The following SMOX variants were observed in gnomAD, a reference collection of about 807,000 sequenced individuals.
SMOX encodes the protein flavin containing amine oxidase.
A neutral mutation model predicts 51.0 loss-of-function variants in SMOX; 22 were observed. The ratio of observed to expected loss-of-function variants is 0.43; its 90% CI spans 0.31 to 0.62. The LOEUF is 0.62. SMOX is among the 20% of genes least tolerant of loss of function. The pLI, the probability that SMOX is intolerant of heterozygous loss-of-function variation, is 0.10. For synonymous variants in SMOX, 282 were observed against 307.8 expected (o/e 0.92, Z 0.88); for missense variants, 566 against 777.7 (o/e 0.73, Z 3.24).
At chr20:4,157,133 A>T (rs935800872) in intron 1 of SMOX, among the ~76,000 whole-genome samples, 3 of 152,170 alleles carry the variant, frequency 2.0e-5, no homozygotes, top group African/African-American at 7.2e-5. Flanking sequence ...CTCAGAGGTT[A>T]ACACAGCAGG....
At chr20:4,180,542 GC>G (rs1979244123) in intron 3 of SMOX, among the ~76,000 whole-genome samples, 1 of 152,274 alleles carries the variant, frequency 6.6e-6, no homozygotes, top group South Asian at 2.1e-4. Context: ...TGATCCTGCC[GC>G]CTTCTTGCTC....
Position 4,152,585 on chromosome 20 carries a change from A to T in SMOX, c.-27+3608A>T, listed in dbSNP as rs117915845. Reference sequence around the variant, plus strand: ...CTAGGGGCAGTGGTCCAGATCTGGGATGGGGCTGGCATGCCTAGGAAAGAC... The same window carrying T: ...CTAGGGGCAGTGGTCCAGATCTGGGTTGGGGCTGGCATGCCTAGGAAAGAC... On this transcript the variant is annotated intron_variant, in intron 1 of 6. Transcript: ENST00000305958. Among the ~76,000 whole-genome samples the T allele has an allele frequency of 2.1e-3, 318 of 152,054 alleles. 8 individuals are homozygous for T. In the East Asian group the frequency reaches 0.053, roughly 26 times the overall value.
chr20:4,161,038 C>T (rs550238658), intron 1 of SMOX, among the ~76,000 whole-genome samples: 1 of 152,356 alleles, frequency 6.6e-6, no homozygotes, highest in Non-Finnish European at 1.5e-5. Flanking sequence ...GGCCTCAGTT[C>T]TTGTAAGTGG....
chr20:4,156,394 G>A (rs562114745), intron 1 of SMOX, among the ~76,000 whole-genome samples: 2 of 152,266 alleles, frequency 1.3e-5, no homozygotes, highest in African/African-American at 4.8e-5. Flanking sequence ...TAGAAGAAGA[G>A]GGCACTGCAG....
chr20:4,163,405 C>T (rs982443417), intron 1 of SMOX, among the ~76,000 whole-genome samples: 4 of 152,052 alleles, frequency 2.6e-5, no homozygotes, highest in Admixed American at 2.0e-4. Flanking sequence ...TTCAGAACAG[C>T]GGGGTCTGAG....
At position 4,160,994 on chromosome 20, in the gene SMOX, C is replaced by T. The variant is rs370488441; in HGVS notation, c.-27+12017C>T. On this transcript the variant is annotated intron_variant, in intron 1 of 6. Transcript: ENST00000305958. ...GGCTTTGTGCAGAGTCACGAGGGGC[C>T]GCTGAGGGGGAACTGCGCCCGGCTG... 5.1e-4 allele frequency among the ~76,000 whole-genome samples: 77 copies of T among 152,208 alleles called. 1 individual carries two copies. Among genetic ancestry groups the T allele is most frequent in the Admixed American group, 1.3e-3 (20 of 15,284 alleles).
At position 4,181,216 on chromosome 20, in the gene SMOX, C is replaced by T. The variant is rs895364992; in HGVS notation, c.436-587C>T. On this transcript the variant is annotated intron_variant, in intron 3 of 6. Coordinates refer to ENST00000305958, the MANE Select transcript of SMOX (RefSeq NM_175839.3). The surrounding 1 kb of genome is among the most constrained non-coding windows in gnomAD (Gnocchi z 5.6). Reference sequence around the variant, plus strand: ...CCTGGCTTTTGTGTTCCTGTCTTCCCCACTGCGTCTCAGCTTCCTTACTCG... The same window carrying T: ...CCTGGCTTTTGTGTTCCTGTCTTCCTCACTGCGTCTCAGCTTCCTTACTCG... Among the ~76,000 whole-genome samples the T allele has an allele frequency of 6.6e-6, 1 of 152,150 alleles. No individual in the cohort carries two copies. The highest frequency in any genetic ancestry group is 1.5e-5 in the Non-Finnish European group (1 of 68,022).
chr20:4,182,510 T>G lies in SMOX; in HGVS notation c.1031T>G (p.Phe344Cys). Reference sequence around the variant, plus strand: ...GTGCTAAAGAGGCAGTACACCAGTTTCTTCCGGCCAGGCCTGCCCACAGAG... The same window carrying G: ...GTGCTAAAGAGGCAGTACACCAGTTGCTTCCGGCCAGGCCTGCCCACAGAG... ...LGVLKRQYTS[F>C]FRPGLPTEKV... The change falls in exon 5 of 7, where the codon TTC (phenylalanine) becomes TGC (cysteine). Residue 344 changes from phenylalanine to cysteine, a missense_variant. Transcript: ENST00000305958. The surrounding 1 kb of genome is among the most constrained non-coding windows in gnomAD (Gnocchi z 8.4). The G allele has an allele frequency of 6.2e-7, 1 of 1,609,330 alleles. No individual in the cohort carries two copies. Among genetic ancestry groups the G allele is most frequent in the Admixed American group, 1.7e-5 (1 of 59,704 alleles).
At chr20:4,158,114 A>C (rs926366412) in intron 1 of SMOX, among the ~76,000 whole-genome samples, 1 of 150,036 alleles carries the variant, frequency 6.7e-6, no homozygotes, top group South Asian at 2.1e-4. Flanking sequence ...GTTAGCCAGG[A>C]TGGTCTCGAT....
intron 1 of SMOX, among the ~76,000 whole-genome samples, chr20:4,150,838 TTTTTTTC>T (rs1281924229): frequency 0.049 from 6,900 of 141,368 alleles, 457 homozygotes; most frequent in African/African-American, 0.15. Flanking sequence ...TTTTTTTTTT[TTTTTTTC>T]TTTGAGACGG....
chr20:4,183,553 T>C lies in SMOX; in HGVS notation c.1429T>C (p.Tyr477His). 2 of 1,614,030 alleles carry C rather than the reference T, an allele frequency of 1.2e-6. No individual in the cohort carries two copies. The highest frequency in any genetic ancestry group is 1.7e-6 in the Non-Finnish European group (2 of 1,179,938). ...GCGCTCGGCCTGGGGCAGCAACCCT[T>C]ACTTCCGCGGCTCCTATTCATACAC... ...ILRSAWGSNP[Y>H]FRGSYSYTQV... The change falls in exon 6 of 7, where the codon TAC becomes CAC. Residue 477 changes from tyrosine to histidine, a missense_variant. This residue lies in a region of SMOX where 347 missense variants were observed against 481.8 expected (regional missense o/e 0.72). Transcript: ENST00000305958. This position sits in a 1 kb window ranked among gnomAD's most constrained non-coding sequence, Gnocchi z 4.3.
chr20:4,157,829 C>T (rs1164293969), intron 1 of SMOX, among the ~76,000 whole-genome samples: 1 of 152,136 alleles, frequency 6.6e-6, no homozygotes, highest in Non-Finnish European at 1.5e-5. Context: ...GCCTCTGCCA[C>T]ACCTCCTTTC....
chr20:4,157,231 G>T (rs1418248266), intron 1 of SMOX, among the ~76,000 whole-genome samples: 1 of 152,132 alleles, frequency 6.6e-6, no homozygotes, highest in Non-Finnish European at 1.5e-5. Context: ...CCCTCCTAGG[G>T]TGGCTGGGTT....
rs1979364819 is a variant in SMOX, at chr20:4,182,034, C to T, written c.610-55C>T. 1.9e-6 allele frequency: 3 copies of T among 1,594,004 alleles called. No individual in the cohort carries two copies. The highest frequency in any genetic ancestry group is 1.7e-6 in the Non-Finnish European group (2 of 1,168,526). ...TGGGTCTGAGGAGGGCTACGCTGCT[C>T]CTACCCCTGCCCAACCCCGGCGGTC... On this transcript the variant is annotated intron_variant, in intron 4 of 6. Coordinates refer to ENST00000305958, the MANE Select transcript of SMOX (RefSeq NM_175839.3). This position sits in a 1 kb window ranked among gnomAD's most constrained non-coding sequence, Gnocchi z 8.4.
intron 6 of SMOX, among the ~76,000 whole-genome samples, chr20:4,184,722 G>C (rs1979608089): frequency 6.6e-6 from 1 of 152,162 alleles, no homozygotes; most frequent in Admixed American, 6.5e-5. Context: ...AAGAGAGAGA[G>C]GTCCTCAGAA....
intron 1 of SMOX, among the ~76,000 whole-genome samples, chr20:4,164,275 C>G (rs1241639878): frequency 6.6e-6 from 1 of 152,164 alleles, no homozygotes; most frequent in Non-Finnish European, 1.5e-5. Context: ...TGTCACCCGG[C>G]CCGATCTTCC....
At chr20:4,156,275 A>G (rs540463374) in intron 1 of SMOX, among the ~76,000 whole-genome samples, 1 of 152,294 alleles carries the variant, frequency 6.6e-6, no homozygotes, top group Non-Finnish European at 1.5e-5. Context: ...CCTGCTGGGA[A>G]AAGCTGATGT....
At chr20:4,180,594 A>C (rs1192664265) in intron 3 of SMOX, among the ~76,000 whole-genome samples, 1 of 152,134 alleles carries the variant, frequency 6.6e-6, no homozygotes. Flanking sequence ...TCAAGTCCAG[A>C]GTCCTTGGAA....
chr20:4,186,524 T>A (rs963572564), intron 6 of SMOX, among the ~76,000 whole-genome samples: 2 of 152,122 alleles, frequency 1.3e-5, no homozygotes, highest in Admixed American at 6.6e-5. Flanking sequence ...TTTGGTACAT[T>A]TTTGCCCCCA....
Sources: allele counts gnomAD v4.1 joint callset (sites outside exome capture counted in the v4.1 genomes callset), GRCh38; gene constraint gnomAD v4.1.1; regional missense constraint gnomAD v4.1.1; non-coding constraint Gnocchi (gnomAD v3.1); transcripts MANE v1.5; gene names NCBI Gene and HGNC (gene_info 2026-07-23, HGNC 2026-07-21).